Variants in GRIN3A observed in about 807,000 individuals in gnomAD.
The protein encoded by GRIN3A is glutamate receptor ionotropic, NMDA 3A.
GRIN3A carries 47 observed loss-of-function variants against 92.4 expected under a neutral mutation model. The observed-to-expected ratio is 0.51, with a 90% confidence interval of 0.40 to 0.65. The LOEUF (loss-of-function observed/expected upper bound fraction) is 0.65, where lower values mean the gene tolerates loss of function less well. GRIN3A is among the 30% of genes least tolerant of loss of function. GRIN3A has a pLI of 0.00. For synonymous variants in GRIN3A, 527 were observed against 540.6 expected (o/e 0.97, Z 0.35); for missense variants, 1,324 against 1,393.1 (o/e 0.95, Z 0.79).
intron 2 of GRIN3A, among the ~76,000 whole-genome samples, chr9:101,678,930 T>G (rs752091434): frequency 6.6e-5 from 10 of 152,226 alleles, no homozygotes; most frequent in Non-Finnish European, 1.5e-4. Context: ...ACCTTTTGCT[T>G]TTTGGTATGA....
intron 1 of GRIN3A, among the ~76,000 whole-genome samples, chr9:101,703,484 A>G (rs963812490): frequency 1.3e-5 from 2 of 152,056 alleles, no homozygotes; most frequent in African/African-American, 4.8e-5. Flanking sequence ...TTATGACACT[A>G]TTTTATCTTC....
At chr9:101,637,617 C>T (rs538829744) in intron 3 of GRIN3A, among the ~76,000 whole-genome samples, 45 of 152,134 alleles carry the variant, frequency 3.0e-4, no homozygotes, top group Non-Finnish European at 5.4e-4. Context: ...TTGCTAACAC[C>T]TTAACGTGAA....
intron 2 of GRIN3A, among the ~76,000 whole-genome samples, chr9:101,680,118 G>A (rs1465918096): frequency 6.6e-6 from 1 of 152,072 alleles, no homozygotes; most frequent in African/African-American, 2.4e-5. Flanking sequence ...TTTTGAGACA[G>A]GTATCCTTAT....
chr9:101,679,572 G>A (rs1011339726), intron 2 of GRIN3A, among the ~76,000 whole-genome samples: 29 of 152,202 alleles, frequency 1.9e-4, no homozygotes, highest in African/African-American at 6.3e-4. Context: ...CAGATCATTC[G>A]GCTGACAAGG....
intron 2 of GRIN3A, among the ~76,000 whole-genome samples, chr9:101,671,453 A>T (rs1207133767): frequency 6.6e-6 from 1 of 152,158 alleles, no homozygotes; most frequent in Non-Finnish European, 1.5e-5. Context: ...TTTTCAAGCT[A>T]TGGAGGTTTT....
chr9:101,698,197 C>A (rs1174820761), intron 1 of GRIN3A, among the ~76,000 whole-genome samples: 1 of 152,130 alleles, frequency 6.6e-6, no homozygotes, highest in East Asian at 1.9e-4. Flanking sequence ...CTGTAAGAAT[C>A]CTGAAATTAT....
At chr9:101,634,332 C>CA (rs10664535) in intron 3 of GRIN3A, among the ~76,000 whole-genome samples, 1,890 of 68,220 alleles carry the variant, frequency 0.028, 79 homozygotes, top group South Asian at 0.046. Context: ...GACTCCGTCT[C>CA]AAAAAAAAAA....
At chr9:101,630,859 C>T (rs1431751507) in intron 3 of GRIN3A, among the ~76,000 whole-genome samples, 2 of 152,212 alleles carry the variant, frequency 1.3e-5, no homozygotes, top group Non-Finnish European at 2.9e-5. Context: ...TTGTGTAATA[C>T]AGTTACCTAT....
At chr9:101,684,270 A>ATTTTTTT (rs3082771) in intron 2 of GRIN3A, among the ~76,000 whole-genome samples, 1 of 87,056 alleles carries the variant, frequency 1.1e-5, no homozygotes, top group Non-Finnish European at 2.1e-5. Context: ...TGCTTAGCTA[A>ATTTTTTT]TTTTTTTTTT....
chr9:101,630,244 G>A (rs1356693552), intron 3 of GRIN3A, among the ~76,000 whole-genome samples: 1 of 152,052 alleles, frequency 6.6e-6, no homozygotes, highest in Admixed American at 6.6e-5. Flanking sequence ...TATAAAATAT[G>A]TAGGCAAAGA....
intron 6 of GRIN3A, among the ~76,000 whole-genome samples, chr9:101,607,043 A>G (rs1435531976): frequency 1.3e-5 from 2 of 149,642 alleles, no homozygotes; most frequent in Non-Finnish European, 3.0e-5. Context: ...ATGTGGGGAA[A>G]CATCTGAGGT....
chr9:101,724,377 CCAGGGCCGG>C (rs1040481741), intron 1 of GRIN3A, among the ~76,000 whole-genome samples: 1 of 152,176 alleles, frequency 6.6e-6, no homozygotes, highest in African/African-American at 2.4e-5. Context: ...CCCTCATTGC[CCAGGGCCGG>C]CAGGGCCGGC....
rs1298955410 is a variant in GRIN3A, at chr9:101,623,323, A to G, written c.2609T>C (p.Ile870Thr). 3 of 1,602,812 alleles carry G rather than the reference A, an allele frequency of 1.9e-6. No homozygotes were observed. The highest frequency in any genetic ancestry group is 1.1e-5 in the South Asian group (1 of 90,838). The change falls in exon 5 of 9, where the codon ATA becomes ACA. Residue 870 changes from isoleucine to threonine, a missense_variant. Physicochemically the swap from Ile to Thr is moderately conservative, Grantham distance 89. Coordinates refer to ENST00000361820, the MANE Select transcript of GRIN3A (RefSeq NM_133445.3). ...KLLTVGKPFA[I>T]EGYGIGLPPN... ...CAAGAGTGACTGATTAATACCTTCT[A>G]TGGCAAATGGCTTCCCCACAGTGAG...
chr9:101,718,857 G>A (rs976313668), intron 1 of GRIN3A, among the ~76,000 whole-genome samples: 2 of 152,072 alleles, frequency 1.3e-5, no homozygotes, highest in South Asian at 2.1e-4. Flanking sequence ...TTTTTATTGT[G>A]TATTTATTTT....
chr9:101,719,418 TA>T (rs34048066), intron 1 of GRIN3A, among the ~76,000 whole-genome samples: 59,992 of 139,848 alleles, frequency 0.43, 12,552 homozygotes, highest in Non-Finnish European at 0.47. Context: ...GACTCCATCT[TA>T]AAAAAAAAAA....
chr9:101,609,430 A>G (rs1313198758), intron 6 of GRIN3A, among the ~76,000 whole-genome samples: 2 of 152,218 alleles, frequency 1.3e-5, no homozygotes, highest in African/African-American at 2.4e-5. Flanking sequence ...TATCATACCC[A>G]TTCATAGATG....
At chr9:101,648,834 C>A (rs946997504) in intron 3 of GRIN3A, among the ~76,000 whole-genome samples, 1 of 151,960 alleles carries the variant, frequency 6.6e-6, no homozygotes, top group East Asian at 1.9e-4. Context: ...CCATCTCTTC[C>A]AGTTTTTGTG....
In GRIN3A at chr9:101,670,207, T is replaced by G. The variant is rs554915219; in HGVS notation, c.2205A>C (p.Lys735Asn). The G allele has an allele frequency of 6.2e-7, 1 of 1,613,846 alleles. No individual in the cohort carries two copies. Among genetic ancestry groups the G allele is most frequent in the African/African-American group, 1.3e-5 (1 of 74,972 alleles). ...ACCTTCCAGTCCAACATTTTGGAGG[T>G]TTGATGGCCACTGTTCTGCCAAACA... is the stretch of plus-strand genomic sequence containing the variant. ...ALLFGRTVAI[K>N]PPKCWTGRFL... The change falls in exon 3 of 9, where the codon AAA becomes AAC. Residue 735 changes from lysine (K) to asparagine (N), a missense_variant. Physicochemically the swap from Lys to Asn is moderately conservative, Grantham distance 94. Transcript: ENST00000361820.
chr9:101,716,151 G>A (rs1173018223), intron 1 of GRIN3A, among the ~76,000 whole-genome samples: 1 of 152,134 alleles, frequency 6.6e-6, no homozygotes, highest in Non-Finnish European at 1.5e-5. Context: ...AGGACAATGA[G>A]GGGACTGAAT....
Sources: allele counts gnomAD v4.1 joint callset (sites outside exome capture counted in the v4.1 genomes callset), GRCh38; gene constraint gnomAD v4.1.1; transcripts MANE v1.5; gene names NCBI Gene and HGNC (gene_info 2026-07-23, HGNC 2026-07-21).